RAPGEF5: variants seen among roughly 807,000 people sequenced by gnomAD.
The protein encoded by RAPGEF5 is Rap guanine nucleotide exchange factor 5.
Under a neutral mutation model 125.2 loss-of-function variants are expected in RAPGEF5, and 65 were observed. The ratio of observed to expected loss-of-function variants is 0.52; its 90% confidence interval spans 0.43 to 0.64. The LOEUF (loss-of-function observed/expected upper bound fraction) is 0.64, where lower values mean the gene tolerates loss of function less well. Among genes scored for constraint, RAPGEF5 ranks in the 30% least tolerant of loss-of-function variants. RAPGEF5 has a pLI of 0.00. For synonymous variants in RAPGEF5, 391 were observed against 385.9 expected, an observed-to-expected ratio of 1.01 and a Z score of -0.16; for missense variants, 958 against 1,048.1, an observed-to-expected ratio of 0.91 and a Z score of 1.19.
intron 7 of RAPGEF5, among the ~76,000 whole-genome samples, chr7:22,255,352 G>A (rs1191075513): frequency 6.6e-6 from 1 of 152,150 alleles, no homozygotes; most frequent in Non-Finnish European, 1.5e-5. Context: ...ACTTTGAGAG[G>A]TCAAGGCGGG....
At chr7:22,334,406 C>G (rs1470153802) in intron 1 of RAPGEF5, among the ~76,000 whole-genome samples, 1 of 152,172 alleles carries the variant, frequency 6.6e-6, no homozygotes, top group South Asian at 2.1e-4. Flanking sequence ...ACATTGAGGT[C>G]TTTATGTATC....
At chr7:22,339,734 C>T (rs915064955) in intron 1 of RAPGEF5, among the ~76,000 whole-genome samples, 1 of 152,210 alleles carries the variant, frequency 6.6e-6, no homozygotes, top group Admixed American at 6.5e-5. Flanking sequence ...TAAATAGAAG[C>T]TTCTACATTT....
intron 7 of RAPGEF5, among the ~76,000 whole-genome samples, chr7:22,249,763 C>A (rs1786571559): frequency 6.6e-6 from 1 of 152,198 alleles, no homozygotes; most frequent in African/African-American, 2.4e-5. Flanking sequence ...AAAACACCAG[C>A]TCATTCCCTA....
At chr7:22,146,624 C>A (rs1783448176) in intron 19 of RAPGEF5, among the ~76,000 whole-genome samples, 2 of 152,152 alleles carry the variant, frequency 1.3e-5, no homozygotes, top group Admixed American at 1.3e-4. Context: ...ATTAGAGCCT[C>A]ATCTCCAAAT....
intron 24 of RAPGEF5, 159 bp downstream of exon 24, chr7:22,130,878 A>G: frequency 1.0e-6 from 1 of 999,182 alleles, no homozygotes; most frequent in Non-Finnish European, 1.5e-6. Context: ...AGCGTACAAC[A>G]TGCAGCAAAT....
intron 9 of RAPGEF5, among the ~76,000 whole-genome samples, chr7:22,212,432 G>A (rs1785532205): frequency 6.6e-6 from 1 of 152,182 alleles, no homozygotes; most frequent in Non-Finnish European, 1.5e-5. Context: ...GCACTTGGAT[G>A]CTGACCACAC....
intron 11 of RAPGEF5, 31 bp downstream of exon 11, chr7:22,193,336 G>C (rs560043398): frequency 1.9e-6 from 3 of 1,556,510 alleles, no homozygotes; most frequent in East Asian, 2.4e-5. Context: ...GCTGCTATCA[G>C]TCTGGAAGCA....
Position 22,193,710 on chromosome 7 carries a change from C to T in RAPGEF5, c.1115+205G>A, listed in dbSNP as rs1383493314. On this transcript the variant is annotated intron_variant, in intron 10 of 25. Coordinates refer to ENST00000665637, the MANE Select transcript of RAPGEF5 (RefSeq NM_012294.5). ...ATCCCCTAAATGCTAAAAGATCTTGCCATCCCTGTCCTTTCACTGGGAACT... is the reference window on the plus strand; with the variant it reads ...ATCCCCTAAATGCTAAAAGATCTTGTCATCCCTGTCCTTTCACTGGGAACT... 10 of 1,552,430 alleles carry T rather than the reference C, an allele frequency of 6.4e-6. No homozygotes were observed. In the Admixed American group the frequency reaches 1.8e-4, roughly 27 times the overall value.
chr7:22,249,759 C>A (rs189385554), intron 7 of RAPGEF5, among the ~76,000 whole-genome samples: 1 of 152,154 alleles, frequency 6.6e-6, no homozygotes, highest in Non-Finnish European at 1.5e-5. Context: ...TTATAAAACA[C>A]CAGCTCATTC....
intron 11 of RAPGEF5, among the ~76,000 whole-genome samples, chr7:22,179,608 G>A (rs555520529): frequency 2.0e-5 from 3 of 152,238 alleles, no homozygotes; most frequent in South Asian, 2.1e-4. Flanking sequence ...AAACCACAGG[G>A]TGAGATAGTA....
At chr7:22,185,045 T>A (rs1384394998) in intron 11 of RAPGEF5, among the ~76,000 whole-genome samples, 1 of 152,178 alleles carries the variant, frequency 6.6e-6, no homozygotes, top group Non-Finnish European at 1.5e-5. Context: ...AGAACGCTCT[T>A]AAGTGGGTAC....
chr7:22,268,778 T>TC (rs1782347155), intron 6 of RAPGEF5, among the ~76,000 whole-genome samples: 1 of 152,184 alleles, frequency 6.6e-6, no homozygotes, highest in Non-Finnish European at 1.5e-5. Context: ...ACACCTGAAT[T>TC]CCCTTTATGG....
At chr7:22,227,238 G>A (rs1222932025) in intron 8 of RAPGEF5, among the ~76,000 whole-genome samples, 2 of 151,572 alleles carry the variant, frequency 1.3e-5, no homozygotes, top group Non-Finnish European at 2.9e-5. Flanking sequence ...AAATTAAAAA[G>A]TTAAAAAAGA....
chr7:22,264,267 A>G (rs1398271957), intron 7 of RAPGEF5, among the ~76,000 whole-genome samples: 1 of 152,228 alleles, frequency 6.6e-6, no homozygotes, highest in African/African-American at 2.4e-5. Context: ...AATATACTGA[A>G]CAACTGCTTT....
intron 8 of RAPGEF5, among the ~76,000 whole-genome samples, chr7:22,221,977 T>G (rs1440188615): frequency 6.6e-6 from 1 of 152,194 alleles, no homozygotes; most frequent in African/African-American, 2.4e-5. Flanking sequence ...CCGGGTGCAG[T>G]GGCTCATGCC....
intron 6 of RAPGEF5, among the ~76,000 whole-genome samples, chr7:22,267,884 G>T (rs1386755435): frequency 6.6e-6 from 1 of 151,672 alleles, no homozygotes; most frequent in South Asian, 2.1e-4. Context: ...TTTTCGGCGG[G>T]TGGGGGTATC....
At chr7:22,134,991 G>C (rs1180391450) in intron 23 of RAPGEF5, among the ~76,000 whole-genome samples, 3 of 152,220 alleles carry the variant, frequency 2.0e-5, no homozygotes, top group African/African-American at 7.2e-5. Flanking sequence ...GACTCAGTGA[G>C]TAGCTGCACG....
chr7:22,169,566 T>C (rs996868351), intron 11 of RAPGEF5, among the ~76,000 whole-genome samples: 2 of 151,790 alleles, frequency 1.3e-5, no homozygotes, highest in African/African-American at 4.8e-5. Flanking sequence ...GAAATTAAGC[T>C]GAATCTGGCC....
At position 22,156,904 on chromosome 7, in the gene RAPGEF5, A is replaced by G. The variant is rs762921866; in HGVS notation, c.1558-16T>C. 1.9e-6 allele frequency: 3 copies of G among 1,613,774 alleles called. No individual in the cohort carries two copies. The highest frequency in any genetic ancestry group is 2.5e-6 in the Non-Finnish European group (3 of 1,179,818). On this transcript the variant is annotated splice_polypyrimidine_tract_variant and intron_variant, in intron 15 of 25. Transcript: ENST00000665637. ...GGGCTTTATTCTGTGAGATGGGAGA[A>G]AGAGAACAATGAATGAATACATTCC...
Sources: allele counts gnomAD v4.1 joint callset (sites outside exome capture counted in the v4.1 genomes callset), GRCh38; gene constraint gnomAD v4.1.1; transcripts MANE v1.5; gene names NCBI Gene and HGNC (gene_info 2026-07-23, HGNC 2026-07-21).